The following MPHOSPH9 variants were observed in gnomAD, a reference collection of about 807,000 sequenced individuals.
MPHOSPH9 encodes M-phase phosphoprotein 9.
MPHOSPH9 carries 88 observed loss-of-function variants against 145.5 expected under a neutral mutation model. The observed-to-expected ratio is 0.60, with a 90% confidence interval of 0.51 to 0.72. The LOEUF is 0.72. Among genes scored for constraint, MPHOSPH9 ranks in the 30% least tolerant of loss-of-function variants. MPHOSPH9 has a pLI of 0.00. For synonymous variants in MPHOSPH9, 435 were observed against 486.2 expected (o/e 0.89, Z 1.39); for missense variants, 1,238 against 1,386.6 (o/e 0.89, Z 1.70).
At chr12:123,170,233 C>A (rs1022017188) in intron 16 of MPHOSPH9, among the ~76,000 whole-genome samples, 1 of 151,950 alleles carries the variant, frequency 6.6e-6, no homozygotes, top group Non-Finnish European at 1.5e-5. Flanking sequence ...ACCTCCGCCT[C>A]TCAGGTTCAA....
chr12:123,162,971 C>A, intron 20 of MPHOSPH9, 43 bp downstream of exon 20: 2 of 1,491,592 alleles, frequency 1.3e-6, no homozygotes, highest in Admixed American at 5.2e-5. Flanking sequence ...AGAAAAAAAT[C>A]ACTAATATAG....
intron 1 of MPHOSPH9, among the ~76,000 whole-genome samples, chr12:123,231,542 G>A (rs1305594312): frequency 1.3e-5 from 2 of 151,800 alleles, no homozygotes; most frequent in Admixed American, 1.3e-4. Context: ...AAACCACTGG[G>A]CACACTGGAG....
intron 1 of MPHOSPH9, among the ~76,000 whole-genome samples, chr12:123,239,281 G>A (rs1389927035): frequency 1.3e-5 from 2 of 152,090 alleles, no homozygotes; most frequent in Non-Finnish European, 2.9e-5. Context: ...ATAATAAAAC[G>A]TTGATCACGT....
chr12:123,201,529 G>T (rs997782278), intron 11 of MPHOSPH9, among the ~76,000 whole-genome samples: 1 of 151,974 alleles, frequency 6.6e-6, no homozygotes, highest in South Asian at 2.1e-4. Flanking sequence ...ACAGGTACAC[G>T]CCACCATGCC....
At chr12:123,239,487 C>T (rs942092235) in intron 1 of MPHOSPH9, among the ~76,000 whole-genome samples, 5 of 151,900 alleles carry the variant, frequency 3.3e-5, no homozygotes, top group Non-Finnish European at 7.4e-5. Flanking sequence ...ACCGCAATCT[C>T]CACCTCCCAG....
chr12:123,157,993 T>A (rs945252002), intron 23 of MPHOSPH9, among the ~76,000 whole-genome samples: 7 of 152,160 alleles, frequency 4.6e-5, no homozygotes, highest in African/African-American at 1.7e-4. Context: ...TTTATTTTTT[T>A]TTTTTTGGTT....
At chr12:123,199,941 CCTAACCACT>C (rs1293122968) in intron 11 of MPHOSPH9, among the ~76,000 whole-genome samples, 1 of 152,144 alleles carries the variant, frequency 6.6e-6, no homozygotes, top group Non-Finnish European at 1.5e-5. Context: ...AGTTCATGAT[CCTAACCACT>C]GTGCATTAAT....
chr12:123,243,588 C>A (rs1257798939), intron 1 of MPHOSPH9, among the ~76,000 whole-genome samples: 1 of 151,898 alleles, frequency 6.6e-6, no homozygotes, highest in African/African-American at 2.4e-5. Flanking sequence ...GCCTGTAGTC[C>A]CAGCTACTCG....
In MPHOSPH9 at chr12:123,230,474, C is replaced by A; in HGVS notation, c.-110G>T. ...AGGCTTCATCATCTACTGGCATTTT[C>A]AGTGGCTAACATTCAGAACTGTGAA... On this transcript the variant is annotated 5_prime_UTR_variant, in exon 2 of 24. The change creates a premature stop within an existing upstream ORF in the 5' untranslated region. Coordinates refer to ENST00000606320, the MANE Select transcript of MPHOSPH9 (RefSeq NM_022782.4). 1.8e-6 allele frequency: 1 copy of A among 560,414 alleles called. No individual in the cohort carries two copies. Among genetic ancestry groups the A allele is most frequent in the East Asian group, 3.2e-5 (1 of 31,666 alleles). 34.7% of individuals were successfully genotyped at this position (560,414 alleles called of 1,614,324 possible).
At chr12:123,206,303 A>G (rs2046428218) in intron 8 of MPHOSPH9, among the ~76,000 whole-genome samples, 1 of 31,380 alleles carries the variant, frequency 3.2e-5, no homozygotes, top group African/African-American at 4.3e-5. Context: ...ACAAACAAAC[A>G]AAAAAAAAAT....
At chr12:123,243,720 AAG>A (rs2047987588) in intron 1 of MPHOSPH9, 1 of 152,224 alleles carries the variant, frequency 6.6e-6, no homozygotes, top group African/African-American at 2.4e-5. Flanking sequence ...AAAAATAAAA[AAG>A]AAATAGCAGA....
Position 123,221,388 on chromosome 12 carries a change from T to C in MPHOSPH9, c.856A>G (p.Ser286Gly). The change falls in exon 5 of 24, where the codon AGT (serine) becomes GGT (glycine). Residue 286 changes from serine to glycine, a missense_variant. Physicochemically the swap from Ser to Gly is moderately conservative, Grantham distance 56. This residue lies in a region of MPHOSPH9 where 837 missense variants were observed against 897.5 expected (regional missense o/e 0.93). Transcript: ENST00000606320. ...TCTACTTACCTATTTGTTTTCCCAC[T>C]GTATACTTCAGAAACCTTATTTTCA... is the stretch of plus-strand genomic sequence containing the variant. ...LGENKVSEVY[S>G]GKTNSNAITS... The C allele has an allele frequency of 1.3e-6, 2 of 1,594,696 alleles. No homozygotes were observed. The highest frequency in any genetic ancestry group is 1.1e-5 in the South Asian group (1 of 87,386).
At chr12:123,192,546 T>A (rs539418761) in intron 13 of MPHOSPH9, among the ~76,000 whole-genome samples, 1 of 136,530 alleles carries the variant, frequency 7.3e-6, no homozygotes, top group East Asian at 2.4e-4. Flanking sequence ...AAGAATCACC[T>A]GAGCCCGCGG....
At chr12:123,209,862 G>A (rs1015452925) in intron 8 of MPHOSPH9, among the ~76,000 whole-genome samples, 194 bp downstream of exon 8, 4 of 147,988 alleles carry the variant, frequency 2.7e-5, no homozygotes, top group East Asian at 2.1e-4. Context: ...TCAGCCTCCC[G>A]AGTAGCTGGG....
In MPHOSPH9 at chr12:123,159,159, ATTTT is replaced by A. The variant is rs368379789; in HGVS notation, c.3450+1618_3450+1621del. ...TTAAAAAATGATCACATTGGCAGGTATTTTTTTTTATTATTCTTTTTCAGAGACG... is the reference window on the plus strand; with the variant it reads ...TTAAAAAATGATCACATTGGCAGGTATTTTTATTATTCTTTTTCAGAGACG... On this transcript the variant is annotated intron_variant, in intron 23 of 23. Coordinates refer to ENST00000606320, the MANE Select transcript of MPHOSPH9 (RefSeq NM_022782.4). The surrounding 1 kb of genome is among the most constrained non-coding windows in gnomAD (Gnocchi z 4.3). Among the ~76,000 whole-genome samples the A allele has an allele frequency of 8.9e-3, 1,347 of 151,516 alleles. 24 individuals carry two copies. The highest frequency in any genetic ancestry group is 0.028 in the African/African-American group (1,170 of 41,358).
rs767011555 is a variant in MPHOSPH9, at chr12:123,202,702, G to C, written c.1703C>G (p.Ser568Cys). The C allele has an allele frequency of 6.2e-7, 1 of 1,614,158 alleles. No homozygotes were observed. The highest frequency in any genetic ancestry group is 8.5e-7 in the Non-Finnish European group (1 of 1,180,020). Residue 568 changes from serine (S) to cysteine (C), a missense_variant, in exon 10 of 24, where the codon TCC becomes TGC. This residue lies in a region of MPHOSPH9 where 837 missense variants were observed against 897.5 expected (regional missense o/e 0.93). Coordinates refer to ENST00000606320, the MANE Select transcript of MPHOSPH9 (RefSeq NM_022782.4). ...ACTGTTGGCTGTACCTGGAAGCTGG[G>C]ACTGACTGACTGAGGCCGAAGCAAC... is the stretch of plus-strand genomic sequence containing the variant. ...VMVASASVSQSQLPGTANSVP... is the reference protein window; with the variant it reads ...VMVASASVSQCQLPGTANSVP...
chr12:123,234,381 CT>C (rs1425448537), upstream of MPHOSPH9, among the ~76,000 whole-genome samples: 1 of 136,130 alleles, frequency 7.3e-6, no homozygotes, highest in African/African-American at 2.8e-5. Context: ...TTTTTTTTTA[CT>C]TTTTTTATTT....
Position 123,230,527 on chromosome 12 carries a change from A to C in MPHOSPH9, c.-158-5T>G. On this transcript the variant is annotated splice_polypyrimidine_tract_variant and splice_region_variant and intron_variant, in intron 1 of 23. Transcript: ENST00000606320. ...ATCCTAAACTTCCAAGAGAGTCTGA[A>C]AATGAATGGGGGAAAAAAATACTAC... The C allele has an allele frequency of 2.2e-6, 1 of 456,288 alleles. No homozygotes were observed. Among genetic ancestry groups the C allele is most frequent in the South Asian group, 3.9e-5 (1 of 25,386 alleles). The allele number at this position is 456,288 out of a possible 1,614,324, so 28.3% of individuals were successfully genotyped here.
At chr12:123,237,195 G>T (rs1484473999), upstream of MPHOSPH9, among the ~76,000 whole-genome samples, 2 of 152,088 alleles carry the variant, frequency 1.3e-5, no homozygotes, top group Non-Finnish European at 2.9e-5. Flanking sequence ...TGTGGCTCAC[G>T]CCTGTAATCC....
Sources: allele counts gnomAD v4.1 joint callset (sites outside exome capture counted in the v4.1 genomes callset), GRCh38; gene constraint gnomAD v4.1.1; regional missense constraint gnomAD v4.1.1; non-coding constraint Gnocchi (gnomAD v3.1); transcripts MANE v1.5; gene names NCBI Gene and HGNC (gene_info 2026-07-23, HGNC 2026-07-21).